ADARB2: variants seen among roughly 807,000 people sequenced by gnomAD.
The protein encoded by ADARB2 is adenosine deaminase RNA specific B2 (inactive), also known as inactive double-stranded RNA-specific editase B2.
In ADARB2, 25 loss-of-function variants were observed where a neutral mutation model predicts 62.2. The observed-to-expected ratio is 0.40, with a 90% confidence interval of 0.29 to 0.56. The LOEUF is 0.56. Among genes scored for constraint, ADARB2 ranks in the 20% least tolerant of loss-of-function variants. The pLI is 0.43. For missense variants in ADARB2, 1,071 were observed against 1,077.4 expected (o/e 0.99, Z 0.08); for synonymous variants, 572 against 500.8 (o/e 1.14, Z -1.90).
At chr10:1,676,958 A>G (rs530448653) in intron 1 of ADARB2, among the ~76,000 whole-genome samples, 1 of 152,322 alleles carries the variant, frequency 6.6e-6, no homozygotes, top group East Asian at 1.9e-4. Context: ...TCCTGTTTTC[A>G]GGGAGACCCT....
chr10:1,677,399 G>GGGGCT (rs1324930147), intron 1 of ADARB2, among the ~76,000 whole-genome samples: 1 of 152,210 alleles, frequency 6.6e-6, no homozygotes, highest in Non-Finnish European at 1.5e-5. Flanking sequence ...GGTACTGGGT[G>GGGGCT]GGGCTGGGCT....
intron 7 of ADARB2, chr10:1,200,504 A>G (rs552192262): frequency 2.2e-6 from 1 of 457,204 alleles, no homozygotes; most frequent in South Asian, 5.8e-5. Context: ...TTAGCTGGGA[A>G]ATACTATAAA....
intron 1 of ADARB2, among the ~76,000 whole-genome samples, chr10:1,734,217 C>T (rs897741598): frequency 6.6e-6 from 1 of 151,174 alleles, no homozygotes; most frequent in Non-Finnish European, 1.5e-5. Context: ...ATTCTGAGAA[C>T]CTTCTTTAAA....
chr10:1,456,951 C>G (rs182964712), intron 1 of ADARB2, among the ~76,000 whole-genome samples: 44 of 141,980 alleles, frequency 3.1e-4, no homozygotes, highest in African/African-American at 1.1e-3. Context: ...AGCGCCACCA[C>G]GCCTGGCTAA....
chr10:1,483,209 A>G (rs1831498142), intron 1 of ADARB2, among the ~76,000 whole-genome samples: 1 of 152,224 alleles, frequency 6.6e-6, no homozygotes, highest in African/African-American at 2.4e-5. Flanking sequence ...GCAGATTCAA[A>G]TGATGCTAAA....
At chr10:1,609,304 C>A (rs2132019722) in intron 1 of ADARB2, among the ~76,000 whole-genome samples, 1 of 152,352 alleles carries the variant, frequency 6.6e-6, no homozygotes, top group East Asian at 1.9e-4. Context: ...ATAGCTAGTT[C>A]TCCTGATGAT....
intron 1 of ADARB2, among the ~76,000 whole-genome samples, chr10:1,519,099 C>T (rs899998427): frequency 1.4e-5 from 2 of 143,192 alleles, no homozygotes; most frequent in South Asian, 2.2e-4. Context: ...CGTCTGTACA[C>T]GGTGTGGTCA....
chr10:1,281,292 G>A (rs938987032), intron 3 of ADARB2, among the ~76,000 whole-genome samples: 8 of 152,170 alleles, frequency 5.3e-5, no homozygotes, highest in African/African-American at 1.9e-4. Context: ...CCAGGCCTCA[G>A]GAACTAGCTC....
At chr10:1,580,722 C>T (rs147415300) in intron 1 of ADARB2, among the ~76,000 whole-genome samples, 14 of 152,276 alleles carry the variant, frequency 9.2e-5, no homozygotes, top group African/African-American at 3.1e-4. Context: ...CACAGAGCAG[C>T]GTCCCTGCCC....
At chr10:1,423,336 C>G (rs1459537343) in intron 1 of ADARB2, among the ~76,000 whole-genome samples, 1 of 152,216 alleles carries the variant, frequency 6.6e-6, no homozygotes, top group African/African-American at 2.4e-5. Context: ...GCTCAACTCC[C>G]CTGTTCTCAC....
chr10:1,187,693 C>CA (rs923505817), intron 8 of ADARB2, among the ~76,000 whole-genome samples: 50 of 152,344 alleles, frequency 3.3e-4, no homozygotes, highest in African/African-American at 1.2e-3. Flanking sequence ...GCCCAAACAC[C>CA]ACCGGGAAGG....
intron 1 of ADARB2, among the ~76,000 whole-genome samples, chr10:1,703,995 G>A (rs191856614): frequency 6.9e-4 from 105 of 152,316 alleles, no homozygotes; most frequent in African/African-American, 2.4e-3. Flanking sequence ...TTTATTGGAT[G>A]CTACATTAGC....
At chr10:1,414,792 G>C (rs1277961583) in intron 1 of ADARB2, among the ~76,000 whole-genome samples, 1 of 152,144 alleles carries the variant, frequency 6.6e-6, no homozygotes, top group East Asian at 1.9e-4. Context: ...ACCTGGTGTT[G>C]GGTCTGATCA....
At chr10:1,454,245 T>A (rs990183487) in intron 1 of ADARB2, among the ~76,000 whole-genome samples, 2 of 152,178 alleles carry the variant, frequency 1.3e-5, no homozygotes, top group African/African-American at 2.4e-5. Context: ...CCCACCCCCA[T>A]GATTCAGTTA....
intron 7 of ADARB2, among the ~76,000 whole-genome samples, chr10:1,210,413 C>T (rs904054921): frequency 2.0e-5 from 3 of 152,188 alleles, no homozygotes; most frequent in African/African-American, 7.2e-5. Context: ...TTCCCGGCCT[C>T]GTGTGGGATG....
chr10:1,394,471 T>A (rs1479533900), intron 1 of ADARB2, among the ~76,000 whole-genome samples: 1 of 152,248 alleles, frequency 6.6e-6, no homozygotes, highest in Non-Finnish European at 1.5e-5. Context: ...GGTTCTCATC[T>A]GGGCTTTGCA....
At chr10:1,695,450 G>C (rs1407270423) in intron 1 of ADARB2, among the ~76,000 whole-genome samples, 3 of 152,274 alleles carry the variant, frequency 2.0e-5, no homozygotes, top group South Asian at 2.1e-4. Context: ...CCACTTTAGG[G>C]GTCGTTACCA....
chr10:1,301,144 G>A (rs1435869554), intron 3 of ADARB2, among the ~76,000 whole-genome samples: 1 of 152,334 alleles, frequency 6.6e-6, no homozygotes, highest in South Asian at 2.1e-4. Context: ...TGTCTCTTCA[G>A]TTATGGTACT....
chr10:1,425,738 TC>T (rs1832888813), intron 1 of ADARB2, among the ~76,000 whole-genome samples: 1 of 152,230 alleles, frequency 6.6e-6, no homozygotes, highest in South Asian at 2.1e-4. Context: ...TGACTTCTCT[TC>T]CTTGTCAGCA....
Sources: gnomAD v4.1 joint callset for allele counts (sites outside exome capture counted in the v4.1 genomes callset) on GRCh38, gnomAD v4.1.1 for gene constraint, MANE v1.5 for transcripts, NCBI Gene and HGNC (gene_info 2026-07-23, HGNC 2026-07-21) for gene names.